TRAF3IP1: variants seen among roughly 807,000 people sequenced by gnomAD.
TRAF3IP1 encodes TRAF3-interacting protein 1.
In TRAF3IP1, 53 loss-of-function variants were observed where a neutral mutation model predicts 89.9. The observed-to-expected ratio is 0.59, with a 90% CI of 0.47 to 0.74. The LOEUF (loss-of-function observed/expected upper bound fraction) is 0.74, where lower values mean the gene tolerates loss of function less well. TRAF3IP1 is among the 30% of genes least tolerant of loss of function. The pLI is 0.00. For missense variants in TRAF3IP1, 806 were observed against 866.1 expected, an observed-to-expected ratio of 0.93 and a Z score of 0.87; for synonymous variants, 311 against 322.1, an observed-to-expected ratio of 0.97 and a Z score of 0.37.
intron 15 of TRAF3IP1, among the ~76,000 whole-genome samples, chr2:238,374,282 C>G (rs1452088169): frequency 2.0e-5 from 3 of 152,088 alleles, no homozygotes; most frequent in Non-Finnish European, 2.9e-5. Flanking sequence ...ATAAATAGCT[C>G]TAATTATTTT....
rs1156492560 is a variant in TRAF3IP1 at position 238,335,765 on chromosome 2, A to ATTTT, written c.1063+1731_1063+1734dup. Among the ~76,000 whole-genome samples, 652 of 121,828 alleles carry ATTTT rather than the reference A, an allele frequency of 5.4e-3. 5 individuals carry two copies. Among genetic ancestry groups the ATTTT allele is most frequent in the African/African-American group, 0.019 (623 of 31,964 alleles). 79.9% of individuals were successfully genotyped at this position (121,828 alleles called of 152,430 possible). A position where few individuals can be genotyped will look rare whatever the true frequency, so the allele number is the denominator to read the frequency against. ...GTTGCTCGCTGGTTTATTTTATTTT[A>ATTTT]TTTTATTTATTTATTTATTTATTTA... On this transcript the variant is annotated intron_variant, in intron 7 of 16. Coordinates refer to ENST00000373327, the MANE Select transcript of TRAF3IP1 (RefSeq NM_015650.4).
At chr2:238,356,459 G>A (rs1352928050) in intron 15 of TRAF3IP1, among the ~76,000 whole-genome samples, 7 of 151,996 alleles carry the variant, frequency 4.6e-5, no homozygotes, top group Non-Finnish European at 8.8e-5. Flanking sequence ...ATTGTGCCAC[G>A]GCACTCCAGC....
intron 15 of TRAF3IP1, among the ~76,000 whole-genome samples, chr2:238,362,041 A>G (rs1699683884): frequency 6.6e-6 from 1 of 151,842 alleles, no homozygotes; most frequent in African/African-American, 2.4e-5. Flanking sequence ...CAGTTGTTAT[A>G]TCTGCTGGTT....
Position 238,354,242 on chromosome 2 carries a change from C to T in TRAF3IP1, c.1612+1033C>T, listed in dbSNP as rs934361895. Among the ~76,000 whole-genome samples the T allele has an allele frequency of 3.9e-5, 6 of 152,176 alleles. No homozygotes were observed. In the East Asian group the frequency reaches 5.8e-4, roughly 15 times the overall value. ...TCTTTAGCTTCCTTGTTTTCTGATA[C>T]GACAAGGTGTTTCCAGCTTATTTTG... On this transcript the variant is annotated intron_variant, in intron 14 of 16. Coordinates refer to ENST00000373327, the MANE Select transcript of TRAF3IP1 (RefSeq NM_015650.4).
chr2:238,355,190 T>G (rs993179557), intron 14 of TRAF3IP1, among the ~76,000 whole-genome samples: 1 of 152,156 alleles, frequency 6.6e-6, no homozygotes. Context: ...AAACCAGGTA[T>G]AATCAGAAAT....
At position 238,379,947 on chromosome 2, in the gene TRAF3IP1, A is replaced by G. The variant is rs1294513482; in HGVS notation, c.1690-17512A>G. Among the ~76,000 whole-genome samples, 1 of 152,246 alleles carries G rather than the reference A, an allele frequency of 6.6e-6. No homozygotes were observed. The highest frequency in any genetic ancestry group is 1.5e-5 in the Non-Finnish European group (1 of 68,042). ...AATCACCTCACTGGCCATTTCCAGC[A>G]TTGATGGAGAAAGACAATTTTAAAG... On this transcript the variant is annotated intron_variant, in intron 15 of 16. Coordinates refer to ENST00000373327, the MANE Select transcript of TRAF3IP1 (RefSeq NM_015650.4). This position sits in a 1 kb window ranked among gnomAD's most constrained non-coding sequence, Gnocchi z 4.0.
chr2:238,387,512 G>A (rs137986795), intron 15 of TRAF3IP1, among the ~76,000 whole-genome samples: 16 of 152,138 alleles, frequency 1.1e-4, no homozygotes, highest in Non-Finnish European at 2.1e-4. Context: ...ATATGAAAAC[G>A]GTTTGGCATT....
rs114550536 is a variant in TRAF3IP1, at chr2:238,332,104, A to T, written c.916-720A>T. Among the ~76,000 whole-genome samples, 1,354 of 152,342 alleles carry T rather than the reference A, an allele frequency of 8.9e-3. 26 individuals are homozygous for T. The highest frequency in any genetic ancestry group is 0.031 in the African/African-American group (1,304 of 41,576). ...AGCACGTGTGCAGTGCCCAGCTTGCAGTCATGGGTAATTACTGCTGATACA... is the reference window on the plus strand; with the variant it reads ...AGCACGTGTGCAGTGCCCAGCTTGCTGTCATGGGTAATTACTGCTGATACA... On this transcript the variant is annotated intron_variant, in intron 5 of 16. Coordinates refer to ENST00000373327, the MANE Select transcript of TRAF3IP1 (RefSeq NM_015650.4).
intron 15 of TRAF3IP1, among the ~76,000 whole-genome samples, chr2:238,396,562 AAGG>A (rs1701234611): frequency 6.6e-6 from 1 of 152,012 alleles, no homozygotes; most frequent in South Asian, 2.1e-4. Context: ...AAAAGGAAAG[AAGG>A]AGAAAGAACT....
Position 238,395,605 on chromosome 2 carries a change from A to C in TRAF3IP1, c.1690-1854A>C, listed in dbSNP as rs545394099. Among the ~76,000 whole-genome samples, 20 of 152,302 alleles carry C rather than the reference A, an allele frequency of 1.3e-4. No homozygotes were observed. In the East Asian group the frequency reaches 3.7e-3, roughly 28 times the overall value. On this transcript the variant is annotated intron_variant, in intron 15 of 16. Transcript: ENST00000373327. The stretch of plus-strand genomic sequence containing the variant: ...TCAGGGTGAACAGGCAACCTACAAA[A>C]TTAGAGAAAATTTTCGCAACCTTCT...
intron 8 of TRAF3IP1, 46 bp downstream of exon 8, chr2:238,338,503 G>A: frequency 1.9e-6 from 2 of 1,047,156 alleles, no homozygotes; most frequent in African/African-American, 1.6e-5. Context: ...CCACTTTAAT[G>A]TGAATGGTTA....
At chr2:238,381,353 G>T (rs1384211379) in intron 15 of TRAF3IP1, among the ~76,000 whole-genome samples, 1 of 152,192 alleles carries the variant, frequency 6.6e-6, no homozygotes, top group Non-Finnish European at 1.5e-5. Flanking sequence ...AGGAGGGCCT[G>T]TAGGGCCCAC....
rs1456371544 is a variant in TRAF3IP1 at position 238,345,197 on chromosome 2, G to A, written c.1261+599G>A. Among the ~76,000 whole-genome samples the A allele has an allele frequency of 1.3e-5, 2 of 152,214 alleles. No individual in the cohort carries two copies. Among genetic ancestry groups the A allele is most frequent in the Non-Finnish European group, 2.9e-5 (2 of 68,036 alleles). On this transcript the variant is annotated intron_variant, in intron 9 of 16. Coordinates refer to ENST00000373327, the MANE Select transcript of TRAF3IP1 (RefSeq NM_015650.4). This position sits in a 1 kb window ranked among gnomAD's most constrained non-coding sequence, Gnocchi z 4.7. ...TGTGGCCAGGGGAGGGCTGATGTTTGTTGATTTGTTCAAACAGAAAATTAT... is the reference window on the plus strand; with the variant it reads ...TGTGGCCAGGGGAGGGCTGATGTTTATTGATTTGTTCAAACAGAAAATTAT...
intron 8 of TRAF3IP1, among the ~76,000 whole-genome samples, chr2:238,340,463 T>G (rs888328751): frequency 2.5e-4 from 38 of 152,252 alleles, no homozygotes; most frequent in African/African-American, 9.1e-4. Flanking sequence ...ATTTGTGGGT[T>G]TTATTGTTAC....
chr2:238,381,976 A>G (rs1700570580), intron 15 of TRAF3IP1, among the ~76,000 whole-genome samples: 1 of 152,210 alleles, frequency 6.6e-6, no homozygotes, highest in Non-Finnish European at 1.5e-5. Context: ...TTACAGAAGC[A>G]CACGGATGTG....
At chr2:238,382,850 G>A (rs1700603969) in intron 15 of TRAF3IP1, among the ~76,000 whole-genome samples, 1 of 151,898 alleles carries the variant, frequency 6.6e-6, no homozygotes, top group Admixed American at 6.6e-5. Flanking sequence ...CAGTTCCCTG[G>A]ACGGTTGGTC....
chr2:238,327,677 T>A (rs1473360201), intron 3 of TRAF3IP1, among the ~76,000 whole-genome samples: 2 of 152,108 alleles, frequency 1.3e-5, no homozygotes, highest in South Asian at 4.2e-4. Flanking sequence ...CATCACCACC[T>A]TCCATCTCCA....
chr2:238,386,071 A>G (rs148507346), intron 15 of TRAF3IP1, among the ~76,000 whole-genome samples: 29 of 152,354 alleles, frequency 1.9e-4, no homozygotes, highest in African/African-American at 7.0e-4. Context: ...TGTCTGAAGA[A>G]CAGAGCAGGT....
At chr2:238,385,307 C>T (rs543069516) in intron 15 of TRAF3IP1, among the ~76,000 whole-genome samples, 7 of 152,172 alleles carry the variant, frequency 4.6e-5, no homozygotes, top group South Asian at 2.1e-4. Flanking sequence ...TGAACCGCTG[C>T]GCCTGGCCTG....
Sources: allele counts gnomAD v4.1 joint callset (sites outside exome capture counted in the v4.1 genomes callset), GRCh38; gene constraint gnomAD v4.1.1; non-coding constraint Gnocchi (gnomAD v3.1); transcripts MANE v1.5; gene names NCBI Gene and HGNC (gene_info 2026-07-23, HGNC 2026-07-21).